SLC25A21: variants seen among roughly 807,000 people sequenced by gnomAD.
SLC25A21 encodes solute carrier family 25 member 21.
A neutral mutation model predicts 43.8 loss-of-function variants in SLC25A21; 47 were observed. That is an observed-to-expected ratio of 1.07 (90% CI 0.85 to 1.37). The LOEUF (loss-of-function observed/expected upper bound fraction) is 1.37. SLC25A21 is among the 40% of genes most tolerant of loss of function. The pLI is 0.00. For missense variants in SLC25A21, 352 were observed against 350.2 expected (o/e 1.00, Z -0.04); for synonymous variants, 131 against 121.3 (o/e 1.08, Z -0.52).
chr14:37,017,903 C>T (rs766804446), intron 1 of SLC25A21, among the ~76,000 whole-genome samples: 3 of 151,844 alleles, frequency 2.0e-5, no homozygotes, highest in Non-Finnish European at 4.4e-5. Context: ...GGGTAATTGA[C>T]ACTCTAATAC....
chr14:36,769,800 T>A (rs712327), intron 3 of SLC25A21, among the ~76,000 whole-genome samples: 93,327 of 152,114 alleles, frequency 0.61, 29,100 homozygotes, highest in East Asian at 0.89. Flanking sequence ...ATACTTAAAT[T>A]CTAATGTCAT....
chr14:36,758,038 A>G (rs1157449367), intron 3 of SLC25A21, among the ~76,000 whole-genome samples: 1 of 152,244 alleles, frequency 6.6e-6, no homozygotes, highest in African/African-American at 2.4e-5. Context: ...TAAGTAGCAG[A>G]AAAGTGAATA....
chr14:36,792,233 G>T (rs1370965221), intron 3 of SLC25A21, among the ~76,000 whole-genome samples: 1 of 152,070 alleles, frequency 6.6e-6, no homozygotes, highest in African/African-American at 2.4e-5. Context: ...AGAGAATAGG[G>T]CAATATTTTC....
intron 1 of SLC25A21, among the ~76,000 whole-genome samples, chr14:37,133,772 T>TTCCG (rs546182145): frequency 6.6e-6 from 1 of 152,164 alleles, no homozygotes; most frequent in Non-Finnish European, 1.5e-5. Context: ...GCTTTCATGC[T>TTCCG]TCCGTTCCAC....
intron 3 of SLC25A21, among the ~76,000 whole-genome samples, chr14:36,808,232 C>A (rs1376434360): frequency 6.6e-6 from 1 of 152,094 alleles, no homozygotes; most frequent in Admixed American, 6.6e-5. Flanking sequence ...CAAACCAATG[C>A]CCAAGAATTT....
intron 3 of SLC25A21, among the ~76,000 whole-genome samples, chr14:36,802,852 A>G (rs1303158453): frequency 6.6e-6 from 1 of 152,228 alleles, no homozygotes; most frequent in Non-Finnish European, 1.5e-5. Context: ...GAAGGGCTGG[A>G]ACATAAGAGG....
chr14:36,860,490 G>GTCTTTA lies in SLC25A21; in HGVS notation c.119+14460_119+14465dup, dbSNP rs1890035861. On this transcript the variant is annotated intron_variant, in intron 2 of 9. Coordinates refer to ENST00000331299, the MANE Select transcript of SLC25A21 (RefSeq NM_030631.4). The stretch of plus-strand genomic sequence containing the variant: ...TGCTGAACTAGAACGCTGGTCTCCT[G>GTCTTTA]TCTTTAGTGGGTGTGTCTTCCCACA... 2.0e-5 allele frequency among the ~76,000 whole-genome samples: 3 copies of GTCTTTA among 152,254 alleles called. No individual in the cohort carries two copies. The East Asian group carries it at 5.8e-4, about 29-fold the overall frequency.
intron 1 of SLC25A21, among the ~76,000 whole-genome samples, chr14:36,906,304 T>C (rs766767578): frequency 6.6e-6 from 1 of 152,124 alleles, no homozygotes; most frequent in Non-Finnish European, 1.5e-5. Flanking sequence ...CAGAAACATG[T>C]AAGAAAATAA....
intron 2 of SLC25A21, among the ~76,000 whole-genome samples, chr14:36,826,556 A>C (rs1366580068): frequency 6.6e-6 from 1 of 152,192 alleles, no homozygotes; most frequent in African/African-American, 2.4e-5. Flanking sequence ...CAGTGGACTA[A>C]GGACCAGAGA....
chr14:36,777,509 C>T (rs1158091497), intron 3 of SLC25A21, among the ~76,000 whole-genome samples: 3 of 151,974 alleles, frequency 2.0e-5, no homozygotes, highest in Non-Finnish European at 2.9e-5. Context: ...TTAAACTGGG[C>T]CCTAAATTTG....
intron 3 of SLC25A21, among the ~76,000 whole-genome samples, chr14:36,751,475 T>C (rs1025913926): frequency 5.3e-5 from 8 of 152,322 alleles, no homozygotes; most frequent in African/African-American, 1.4e-4. Flanking sequence ...TGGCTCCAGA[T>C]TTAGCTTCTA....
At chr14:36,993,882 C>G (rs1054963058) in intron 1 of SLC25A21, among the ~76,000 whole-genome samples, 2 of 152,024 alleles carry the variant, frequency 1.3e-5, no homozygotes, top group African/African-American at 2.4e-5. Flanking sequence ...TGACTACATT[C>G]GATGAGAATT....
intron 1 of SLC25A21, among the ~76,000 whole-genome samples, chr14:36,978,392 T>C (rs951684588): frequency 6.6e-6 from 1 of 152,206 alleles, no homozygotes; most frequent in African/African-American, 2.4e-5. Context: ...AAAAAAATGA[T>C]GTGCATATCT....
At chr14:36,953,012 A>G (rs1892851329) in intron 1 of SLC25A21, among the ~76,000 whole-genome samples, 1 of 152,132 alleles carries the variant, frequency 6.6e-6, no homozygotes, top group African/African-American at 2.4e-5. Flanking sequence ...GATTTTTATC[A>G]TTTTGCTATT....
At chr14:36,715,777 G>T (rs556736270) in intron 6 of SLC25A21, among the ~76,000 whole-genome samples, 81 of 152,276 alleles carry the variant, frequency 5.3e-4, no homozygotes, top group African/African-American at 1.9e-3. Flanking sequence ...TGCTTAAAAA[G>T]TTATTAAGAG....
chr14:36,726,771 T>G (rs1274601912), intron 5 of SLC25A21, among the ~76,000 whole-genome samples: 2 of 152,134 alleles, frequency 1.3e-5, no homozygotes, highest in African/African-American at 2.4e-5. Flanking sequence ...AGGTAATTAT[T>G]TAGTGCTGAA....
At chr14:36,908,547 A>T (rs1037732617) in intron 1 of SLC25A21, among the ~76,000 whole-genome samples, 1 of 152,240 alleles carries the variant, frequency 6.6e-6, no homozygotes, top group Admixed American at 6.5e-5. Context: ...CATAATGGAA[A>T]TCTTTTATGA....
intron 1 of SLC25A21, among the ~76,000 whole-genome samples, chr14:37,067,869 G>T (rs1232043136): frequency 6.6e-6 from 1 of 152,200 alleles, no homozygotes; most frequent in Non-Finnish European, 1.5e-5. Context: ...AAAAGGATAG[G>T]ATTAAGAACA....
chr14:36,996,286 G>A (rs1244059628), intron 1 of SLC25A21, among the ~76,000 whole-genome samples: 1 of 152,136 alleles, frequency 6.6e-6, no homozygotes, highest in Non-Finnish European at 1.5e-5. Flanking sequence ...CTTGATCATA[G>A]TATCTAAGTC....
Sources: allele counts gnomAD v4.1 joint callset (sites outside exome capture counted in the v4.1 genomes callset), GRCh38; gene constraint gnomAD v4.1.1; transcripts MANE v1.5; gene names NCBI Gene and HGNC (gene_info 2026-07-23, HGNC 2026-07-21).